DNAAF5: variants seen among roughly 807,000 people sequenced by gnomAD.
The protein encoded by DNAAF5 is dynein axonemal assembly factor 5, also known as HEAT repeat containing 2.
Under a neutral mutation model 75.8 loss-of-function variants are expected in DNAAF5, and 64 were observed. The ratio of observed to expected loss-of-function variants is 0.84; its 90% CI spans 0.69 to 1.04. The LOEUF (loss-of-function observed/expected upper bound fraction) is 1.04. DNAAF5 is among the 50% of genes least tolerant of loss of function. The probability of loss-of-function intolerance (pLI) is 0.00; values close to 1 mark genes in which losing one functional copy is unlikely to be tolerated. For missense variants in DNAAF5, 1,269 were observed against 1,178.5 expected, an observed-to-expected ratio of 1.08 and a Z score of -1.12; for synonymous variants, 657 against 557.2, an observed-to-expected ratio of 1.18 and a Z score of -2.52.
intron 2 of DNAAF5, among the ~76,000 whole-genome samples, chr7:734,342 A>G (rs1583475896): frequency 1.3e-5 from 2 of 152,136 alleles, no homozygotes; most frequent in East Asian, 3.9e-4. Context: ...TTTCAGCATC[A>G]CTTGAAATAA....
chr7:736,314 T>A lies in DNAAF5; in HGVS notation c.781-4505T>A, dbSNP rs541993384. Among the ~76,000 whole-genome samples the A allele has an allele frequency of 2.0e-5, 3 of 152,376 alleles. No homozygotes were observed. In the East Asian group the frequency reaches 5.8e-4, roughly 29 times the overall value. On this transcript the variant is annotated intron_variant, in intron 2 of 12. Coordinates refer to ENST00000297440, the MANE Select transcript of DNAAF5 (RefSeq NM_017802.4). ...GTACTGGAAGTGGGGCATTGAAGCC[T>A]CTAGCTGTTACTGTGTTGGAGTCTG... is the stretch of plus-strand genomic sequence containing the variant.
intron 2 of DNAAF5, among the ~76,000 whole-genome samples, chr7:738,564 C>T (rs1192888416): frequency 7.7e-6 from 1 of 130,570 alleles, no homozygotes; most frequent in Non-Finnish European, 1.6e-5. Context: ...GCTTCTAATC[C>T]ATTTATTTTG....
At chr7:752,204 T>C (rs1017976312) in intron 4 of DNAAF5, among the ~76,000 whole-genome samples, 4 of 152,260 alleles carry the variant, frequency 2.6e-5, no homozygotes, top group African/African-American at 9.6e-5. Context: ...GGATCACTCA[T>C]ACACCAGAAA....
At chr7:779,909 T>C (rs1416670197) in intron 11 of DNAAF5, 44 bp from the exon 12 acceptor site, 1 of 1,550,310 alleles carries the variant, frequency 6.5e-7, no homozygotes, top group African/African-American at 1.4e-5. Context: ...AGACGTGAAA[T>C]GTCTGCTCTA....
chr7:756,817 C>T lies in DNAAF5; in HGVS notation c.1293C>T (p.Val431=). Residue 431 remains valine (V), a synonymous_variant, in exon 6 of 13, where the codon GTC becomes GTT. Coordinates refer to ENST00000297440, the MANE Select transcript of DNAAF5 (RefSeq NM_017802.4). Reference sequence around the variant, plus strand: ...CCGCAGAGCTCGTCGGGACGTTTGTCAGCCCTGAGGTGTTTCTGAAGCTGA... The same window carrying T: ...CCGCAGAGCTCGTCGGGACGTTTGTTAGCCCTGAGGTGTTTCTGAAGCTGA... ...TRSAELVGTF[V]SPEVFLKLIL... The T allele has an allele frequency of 6.2e-7, 1 of 1,613,994 alleles. No individual in the cohort carries two copies. Among genetic ancestry groups the T allele is most frequent in the Non-Finnish European group, 8.5e-7 (1 of 1,180,014 alleles).
chr7:729,945 C>T (rs920028614), intron 2 of DNAAF5, 98 bp downstream of exon 2: 2 of 1,135,874 alleles, frequency 1.8e-6, no homozygotes, highest in East Asian at 2.4e-5. Context: ...TTTCAGAGTG[C>T]TGTATGCACC....
Position 729,643 on chromosome 7 carries a change from G to A in DNAAF5, c.596-20G>A. 1 of 1,607,288 alleles carries A rather than the reference G, an allele frequency of 6.2e-7. No homozygotes were observed. Among genetic ancestry groups the A allele is most frequent in the Non-Finnish European group, 8.5e-7 (1 of 1,175,590 alleles). ...CGTGTGGGAGCAGCTCTGGTAACTGGGGGCCTCCCTGTCCCTCAGACCACT... is the reference window on the plus strand; with the variant it reads ...CGTGTGGGAGCAGCTCTGGTAACTGAGGGCCTCCCTGTCCCTCAGACCACT... On this transcript the variant is annotated intron_variant, in intron 1 of 12. Coordinates refer to ENST00000297440, the MANE Select transcript of DNAAF5 (RefSeq NM_017802.4).
At chr7:733,602 T>C (rs1781649840) in intron 2 of DNAAF5, among the ~76,000 whole-genome samples, 1 of 152,180 alleles carries the variant, frequency 6.6e-6, no homozygotes, top group Admixed American at 6.5e-5. Context: ...GTTCACGCCA[T>C]TCTCCTTCCT....
At chr7:757,115 C>A in intron 6 of DNAAF5, 121 bp downstream of exon 6, 1 of 962,962 alleles carries the variant, frequency 1.0e-6, no homozygotes, top group Non-Finnish European at 1.5e-6. Context: ...TCGGAAGCAC[C>A]CAGCGACGTG....
intron 11 of DNAAF5, 149 bp from the exon 12 acceptor site, chr7:779,804 C>T (rs557558182): frequency 4.5e-6 from 3 of 662,634 alleles, no homozygotes; most frequent in Non-Finnish European, 7.6e-6. Flanking sequence ...GCATGTGGCT[C>T]GGGATGCACG....
chr7:778,228 G>A (rs1318299400), intron 11 of DNAAF5: 5 of 152,342 alleles, frequency 3.3e-5, no homozygotes, highest in East Asian at 1.9e-4. Flanking sequence ...AGGAGCTGGC[G>A]GAAAGGCTGC....
In DNAAF5 at chr7:770,789, G is replaced by A. The variant is rs1001377899; in HGVS notation, c.1931+171G>A. On this transcript the variant is annotated intron_variant, in intron 9 of 12. Transcript: ENST00000297440. Reference sequence around the variant, plus strand: ...CCCCACACTGAGTCAAAGGTGGGCCGGGGGTCCCCACCTCCCTCCCCCACG... The same window carrying A: ...CCCCACACTGAGTCAAAGGTGGGCCAGGGGTCCCCACCTCCCTCCCCCACG... 1.9e-4 allele frequency: 117 copies of A among 629,968 alleles called. 1 individual carries two copies. The highest frequency in any genetic ancestry group is 2.7e-4 in the Non-Finnish European group (106 of 386,126). 39.0% of individuals were successfully genotyped at this position (629,968 alleles called of 1,614,324 possible).
chr7:775,930 C>T (rs989357058), intron 11 of DNAAF5, among the ~76,000 whole-genome samples: 3 of 152,166 alleles, frequency 2.0e-5, no homozygotes, highest in Non-Finnish European at 4.4e-5. Flanking sequence ...TTATCAGAGA[C>T]TTGAGCATTT....
chr7:758,251 G>T (rs1484597203), intron 6 of DNAAF5, among the ~76,000 whole-genome samples: 1 of 152,170 alleles, frequency 6.6e-6, no homozygotes, highest in African/African-American at 2.4e-5. Context: ...TCCTAGAAGG[G>T]CATAACTTGA....
intron 10 of DNAAF5, 53 bp downstream of exon 10, chr7:774,251 TC>T (rs918877446): frequency 1.3e-6 from 2 of 1,520,224 alleles, no homozygotes; most frequent in Non-Finnish European, 1.8e-6. Flanking sequence ...TGCGCAGGCT[TC>T]CTGGCGCCCG....
At chr7:739,037 A>G (rs1781820689) in intron 2 of DNAAF5, among the ~76,000 whole-genome samples, 1 of 151,898 alleles carries the variant, frequency 6.6e-6, no homozygotes, top group Middle Eastern at 3.2e-3. Context: ...AGAGGGCCCC[A>G]TCACTGTACA....
In DNAAF5 at chr7:756,778, G is replaced by A. The variant is rs202056316; in HGVS notation, c.1258-4G>A. The A allele has an allele frequency of 4.2e-5, 68 of 1,611,750 alleles. No homozygotes were observed. The highest frequency in any genetic ancestry group is 9.3e-5 in the African/African-American group (7 of 74,900). On this transcript the variant is annotated splice_polypyrimidine_tract_variant and splice_region_variant and intron_variant, in intron 5 of 12. Coordinates refer to ENST00000297440, the MANE Select transcript of DNAAF5 (RefSeq NM_017802.4). Reference sequence around the variant, plus strand: ...CTGAGTTTTCTCATGTTTCTTTCTCGCAGTGTACCAGATCCGCAGAGCTCG... The same window carrying A: ...CTGAGTTTTCTCATGTTTCTTTCTCACAGTGTACCAGATCCGCAGAGCTCG...
chr7:746,226 C>G (rs542679194), intron 4 of DNAAF5, among the ~76,000 whole-genome samples: 2 of 151,972 alleles, frequency 1.3e-5, no homozygotes, highest in South Asian at 4.2e-4. Flanking sequence ...CCTGCCACCC[C>G]CCGCCTGCCG....
intron 11 of DNAAF5, among the ~76,000 whole-genome samples, chr7:776,659 G>A (rs920602564): frequency 6.6e-6 from 1 of 152,218 alleles, no homozygotes; most frequent in Non-Finnish European, 1.5e-5. Flanking sequence ...AGCAAGCACT[G>A]GGGAGGGGAA....
Sources: allele counts gnomAD v4.1 joint callset (sites outside exome capture counted in the v4.1 genomes callset), GRCh38; gene constraint gnomAD v4.1.1; transcripts MANE v1.5; gene names NCBI Gene and HGNC (gene_info 2026-07-23, HGNC 2026-07-21).